TMOD1: variants seen among roughly 807,000 people sequenced by gnomAD.
TMOD1 encodes the protein tropomodulin-1.
A neutral mutation model predicts 40.6 loss-of-function variants in TMOD1; 17 were observed. That is an observed-to-expected ratio of 0.42 (90% CI 0.29 to 0.63). TMOD1 has a LOEUF of 0.63. Among genes scored for constraint, TMOD1 ranks in the 20% least tolerant of loss-of-function variants. The probability of loss-of-function intolerance (pLI) is 0.22; values close to 1 mark genes in which losing one functional copy is unlikely to be tolerated. For synonymous variants in TMOD1, 181 were observed against 175.0 expected (o/e 1.03, Z -0.27); for missense variants, 391 against 447.6 (o/e 0.87, Z 1.14).
chr9:97,578,831 C>T (rs1398786268), intron 8 of TMOD1, among the ~76,000 whole-genome samples: 1 of 152,220 alleles, frequency 6.6e-6, no homozygotes, highest in East Asian at 1.9e-4. Flanking sequence ...CCCCTTCACT[C>T]AGGGGAGACC....
intron 8 of TMOD1, among the ~76,000 whole-genome samples, chr9:97,582,231 TC>T (rs1377645151): frequency 6.7e-6 from 1 of 149,076 alleles, no homozygotes; most frequent in Non-Finnish European, 1.5e-5. Flanking sequence ...TAGCCAGTTT[TC>T]CCAGCACCAT....
rs1319298773 is a variant in TMOD1, at chr9:97,600,475, C to CTT, written c.*778_*779dup. On this transcript the variant is annotated 3_prime_UTR_variant, in exon 10 of 10. Transcript: ENST00000259365. The stretch of plus-strand genomic sequence containing the variant: ...AACTTTTTCCTTATTGAATGCCAAC[C>CTT]TTATGATGGATGTGAAAATCTACGG... 2.0e-6 allele frequency: 2 copies of CTT among 985,564 alleles called. No homozygotes were observed. Among genetic ancestry groups the CTT allele is most frequent in the African/African-American group, 3.5e-5 (2 of 57,318 alleles). 61.1% of individuals were successfully genotyped at this position (985,564 alleles called of 1,614,324 possible).
chr9:97,501,960 G>A (rs758772305), intron 1 of TMOD1, among the ~76,000 whole-genome samples, 157 bp downstream of exon 1: 12 of 152,062 alleles, frequency 7.9e-5, no homozygotes, highest in Non-Finnish European at 1.5e-4. Context: ...GCCGCCTCGG[G>A]TTGCCTCTGG....
intron 8 of TMOD1, among the ~76,000 whole-genome samples, chr9:97,575,255 ACT>A (rs1258515447): frequency 2.0e-5 from 3 of 151,922 alleles, no homozygotes; most frequent in African/African-American, 7.3e-5. Context: ...GAGCTGTAAC[ACT>A]CACCGCGAAG....
chr9:97,572,037 G>T (rs2805808), intron 8 of TMOD1, among the ~76,000 whole-genome samples: 34,565 of 152,142 alleles, frequency 0.23, 4,223 homozygotes, highest in Non-Finnish European at 0.26. Context: ...TGCTCCAGCA[G>T]CCAGACAGTG....
In TMOD1 at chr9:97,505,999, C is replaced by T. The variant is rs571234612; in HGVS notation, c.-49+4196C>T. Among the ~76,000 whole-genome samples, 14 of 152,246 alleles carry T rather than the reference C, an allele frequency of 9.2e-5. No homozygotes were observed. In the East Asian group the frequency reaches 1.2e-3, roughly 13 times the overall value. On this transcript the variant is annotated intron_variant, in intron 1 of 9. Transcript: ENST00000259365. Reference sequence around the variant, plus strand: ...GACCAGATTCATTAGCCTCTAAGACCGGGCCTCAAGCTACTTCTCCAAAAT... The same window carrying T: ...GACCAGATTCATTAGCCTCTAAGACTGGGCCTCAAGCTACTTCTCCAAAAT...
Position 97,501,679 on chromosome 9 carries a change from C to G in TMOD1, c.-173C>G, listed in dbSNP as rs1189251644. ...GCGGCCGCCCGGGAGCTCGTCCAGC[C>G]CCGCGCTGCGCTCGCCCGCCCGCTG... On this transcript the variant is annotated 5_prime_UTR_variant, in exon 1 of 10. Transcript: ENST00000259365. 9.4e-5 allele frequency: 14 copies of G among 148,822 alleles called. No homozygotes were observed. In the East Asian group the frequency reaches 2.6e-3, roughly 27 times the overall value. The allele number at this position is 148,822 out of a possible 1,614,324, so 9.2% of individuals were successfully genotyped here.
intron 6 of TMOD1, 66 bp from the exon 7 acceptor site, chr9:97,565,782 C>T (rs533971108): frequency 6.9e-5 from 88 of 1,282,700 alleles, no homozygotes; most frequent in Non-Finnish European, 8.2e-5. Flanking sequence ...CCAGGCTAAT[C>T]CACCTGCCTC....
At chr9:97,514,244 G>A (rs1564228004) in intron 1 of TMOD1, among the ~76,000 whole-genome samples, 2 of 31,912 alleles carry the variant, frequency 6.3e-5, no homozygotes, top group African/African-American at 1.7e-4. Flanking sequence ...TTTTTTTGGG[G>A]GGGGGGTTGT....
intron 4 of TMOD1, among the ~76,000 whole-genome samples, chr9:97,559,772 TAAAAAAA>T (rs58522887): frequency 0.16 from 5,731 of 35,962 alleles, 273 homozygotes; most frequent in Admixed American, 0.18. Context: ...CTCAAAAATT[TAAAAAAA>T]AAAAAAAAAA....
At chr9:97,573,802 A>C (rs1188765453) in intron 8 of TMOD1, among the ~76,000 whole-genome samples, 1 of 152,206 alleles carries the variant, frequency 6.6e-6, no homozygotes, top group Non-Finnish European at 1.5e-5. Context: ...GAGAAAAAAG[A>C]AAGCCTCAGA....
At position 97,502,966 on chromosome 9, in the gene TMOD1, T is replaced by C. The variant is rs1829529718; in HGVS notation, c.-49+1163T>C. Among the ~76,000 whole-genome samples, 1 of 152,018 alleles carries C rather than the reference T, an allele frequency of 6.6e-6. No homozygotes were observed. The highest frequency in any genetic ancestry group is 2.4e-5 in the African/African-American group (1 of 41,400). On this transcript the variant is annotated intron_variant, in intron 1 of 9. Transcript: ENST00000259365. The surrounding 1 kb of genome is among the most constrained non-coding windows in gnomAD (Gnocchi z 6.1). ...TCCTACACCCTTCACCCACCGCTAC[T>C]ATTACAGACCCTGTCTCCAGCCCTC...
Position 97,557,060 on chromosome 9 carries a change from ACTC to A in TMOD1, c.397+3663_397+3665del, listed in dbSNP as rs1330864804. 2.0e-5 allele frequency among the ~76,000 whole-genome samples: 3 copies of A among 151,812 alleles called. No individual in the cohort carries two copies. The highest frequency in any genetic ancestry group is 4.4e-5 in the Non-Finnish European group (3 of 67,954). The stretch of plus-strand genomic sequence containing the variant: ...TCACTAAGCCAGTGCACATTATTGA[ACTC>A]CTACTGTATACTAGGATGAACAGGA... On this transcript the variant is annotated intron_variant, in intron 4 of 9. Transcript: ENST00000259365. The surrounding 1 kb of genome is among the most constrained non-coding windows in gnomAD (Gnocchi z 4.4).
intron 4 of TMOD1, chr9:97,555,813 G>A (rs1271968438): frequency 1.0e-6 from 1 of 991,958 alleles, no homozygotes; most frequent in East Asian, 2.6e-5. Flanking sequence ...AGTAGGCAAG[G>A]TGTGGTTAAA....
chr9:97,555,839 G>A lies in TMOD1; in HGVS notation c.397+2439G>A, dbSNP rs775055646. On this transcript the variant is annotated intron_variant, in intron 4 of 9. Coordinates refer to ENST00000259365, the MANE Select transcript of TMOD1 (RefSeq NM_003275.4). ...TGTGGTTAAATGCCTTGCCCAAAGG[G>A]TTTAAACCCAGGCAACTTCATTCTA... The A allele has an allele frequency of 1.9e-5, 15 of 794,020 alleles. 1 individual carries two copies. The Middle Eastern group carries it at 6.7e-4, about 35-fold the overall frequency. The allele number at this position is 794,020 out of a possible 1,614,324, so 49.2% of individuals were successfully genotyped here.
intron 2 of TMOD1, among the ~76,000 whole-genome samples, chr9:97,528,848 A>G (rs1321384018): frequency 2.6e-5 from 4 of 152,250 alleles, no homozygotes; most frequent in African/African-American, 4.8e-5. Context: ...CCTCTCTGTT[A>G]TAGTCCATAT....
chr9:97,548,409 C>A (rs970879465), intron 3 of TMOD1, among the ~76,000 whole-genome samples: 3 of 152,124 alleles, frequency 2.0e-5, no homozygotes, highest in African/African-American at 7.2e-5. Context: ...GATTATAGAA[C>A]TTCTGAATTT....
At chr9:97,582,877 T>C (rs972014626) in intron 8 of TMOD1, among the ~76,000 whole-genome samples, 3 of 149,978 alleles carry the variant, frequency 2.0e-5, no homozygotes, top group Non-Finnish European at 4.4e-5. Context: ...CTGAAGTTGC[T>C]TATCAGCTTA....
At chr9:97,556,094 G>A (rs1245711341) in intron 4 of TMOD1, among the ~76,000 whole-genome samples, 1 of 151,956 alleles carries the variant, frequency 6.6e-6, no homozygotes, top group Non-Finnish European at 1.5e-5. Flanking sequence ...AGGAGTTTGA[G>A]TGGAGAGGAG....
Sources: gnomAD v4.1 joint callset for allele counts (sites outside exome capture counted in the v4.1 genomes callset) on GRCh38, gnomAD v4.1.1 for gene constraint, Gnocchi (gnomAD v3.1) non-coding constraint, MANE v1.5 for transcripts, NCBI Gene and HGNC (gene_info 2026-07-23, HGNC 2026-07-21) for gene names.